The following IL17REL variants were observed in gnomAD, a reference collection of about 807,000 sequenced individuals.
IL17REL encodes interleukin 17 receptor E like.
Under a neutral mutation model 49.0 loss-of-function variants are expected in IL17REL, and 36 were observed. The ratio of observed to expected loss-of-function variants is 0.73; its 90% CI spans 0.56 to 0.97. IL17REL has a LOEUF of 0.97. IL17REL is among the 50% of genes least tolerant of loss of function. The pLI is 0.00. For missense variants in IL17REL, 470 were observed against 453.9 expected (o/e 1.04, Z -0.32); for synonymous variants, 206 against 192.4 (o/e 1.07, Z -0.58).
At chr22:50,004,754 G>A (rs753018057) in intron 1 of IL17REL, among the ~76,000 whole-genome samples, 7 of 151,530 alleles carry the variant, frequency 4.6e-5, no homozygotes, top group Non-Finnish European at 8.8e-5. Context: ...CTAGCTACTC[G>A]GGAGGCTGAG....
rs577433851 is a variant in IL17REL, at chr22:49,996,751, G to A, written c.*154C>T. On this transcript the variant is annotated 3_prime_UTR_variant, in exon 13 of 13. Coordinates refer to ENST00000341280, the Ensembl canonical transcript of IL17REL. Reference sequence around the variant, plus strand: ...ACGCCACGCCCAGCCTGCCGTGGGAGGCCTAGGTCTAGTCCTCGGCCTCCT... The same window carrying A: ...ACGCCACGCCCAGCCTGCCGTGGGAAGCCTAGGTCTAGTCCTCGGCCTCCT... 9.0e-6 allele frequency: 4 copies of A among 445,156 alleles called. No homozygotes were observed. In the East Asian group the frequency reaches 1.6e-4, roughly 17 times the overall value. 27.6% of individuals were successfully genotyped at this position (445,156 alleles called of 1,614,324 possible). A position where few individuals can be genotyped will look rare whatever the true frequency, so the allele number is the denominator to read the frequency against.
At chr22:50,001,263 G>A (rs2061078684) in intron 1 of IL17REL, 32 bp from the exon 3 acceptor site, 1 of 939,206 alleles carries the variant, frequency 1.1e-6, no homozygotes, top group South Asian at 1.5e-5. Flanking sequence ...GAGGCCTCGA[G>A]TTCCCTGGTG....
chr22:50,003,952 TTGTCTC>T (rs1363243675), intron 1 of IL17REL, among the ~76,000 whole-genome samples: 2 of 152,246 alleles, frequency 1.3e-5, no homozygotes, highest in East Asian at 1.9e-4. Context: ...GATGACATGA[TTGTCTC>T]TGTAGAAAAC....
intron 9 of IL17REL, 76 bp downstream of exon 11, chr22:49,997,949 C>T (rs2061047228): frequency 6.4e-6 from 10 of 1,557,972 alleles, no homozygotes; most frequent in Admixed American, 1.9e-5. Context: ...GGCAAGGGCC[C>T]CTGCCCCACT....
chr22:50,006,679 C>A (rs561379085), intron 1 of IL17REL, among the ~76,000 whole-genome samples: 4 of 152,066 alleles, frequency 2.6e-5, no homozygotes, highest in Admixed American at 1.3e-4. Context: ...TGGGGCCGGG[C>A]GCAGTGGCTC....
intron 1 of IL17REL, among the ~76,000 whole-genome samples, chr22:50,005,063 G>C (rs959457402): frequency 1.3e-5 from 2 of 150,686 alleles, no homozygotes; most frequent in African/African-American, 4.9e-5. Context: ...TTAGTGAAAC[G>C]GGCGCAGGAG....
Position 49,999,961 on chromosome 22 carries a change from T to G in IL17REL, c.341A>C (p.Lys114Thr), listed in dbSNP as rs928335507. The G allele has an allele frequency of 3.6e-5, 54 of 1,511,426 alleles. No individual in the cohort carries two copies. Among genetic ancestry groups the G allele is most frequent in the Non-Finnish European group, 4.7e-5 (53 of 1,127,038 alleles). The allele number at this position is 1,511,426 out of a possible 1,614,324, so 93.6% of individuals were successfully genotyped here. A position where few individuals can be genotyped will look rare whatever the true frequency, so the allele number is the denominator to read the frequency against. ...CCTCCGGTCCACCCAGTAGCTGAGC[T>G]TCCCCGCTGCAGGAGGCGGCAAGTC... is the stretch of plus-strand genomic sequence containing the variant. Residue 114 changes from lysine to threonine, a missense_variant, in exon 5 of 13, where the codon AAG becomes ACG. By Grantham distance (78) the Lys-to-Thr change is moderately conservative. Transcript: ENST00000341280.
intron 1 of IL17REL, among the ~76,000 whole-genome samples, chr22:50,005,243 CTG>C (rs1166753737): frequency 4.6e-5 from 7 of 152,262 alleles, no homozygotes; most frequent in African/African-American, 1.4e-4. Context: ...GTGGAAAAAA[CTG>C]TGAAACTACA....
chr22:50,004,111 C>T (rs2061094919), intron 1 of IL17REL, among the ~76,000 whole-genome samples: 1 of 152,158 alleles, frequency 6.6e-6, no homozygotes, highest in South Asian at 2.1e-4. Context: ...CAGAGCCTCA[C>T]TCTGTTGCCC....
At chr22:50,009,222 C>T (rs935658268), upstream of IL17REL, among the ~76,000 whole-genome samples, 2 of 91,114 alleles carry the variant, frequency 2.2e-5, no homozygotes, top group African/African-American at 4.4e-5. Flanking sequence ...GTTGGTGGTG[C>T]GGGGCGGGGG....
intron 4 of IL17REL, 112 bp from the exon 6 acceptor site, chr22:50,000,352 A>T: frequency 1.3e-6 from 1 of 740,874 alleles, no homozygotes; most frequent in Non-Finnish European, 2.3e-6. Flanking sequence ...ACCTCGAATT[A>T]AGCCAGAGGT....
chr22:49,997,026 C>T (rs2061039318), exon 12 of IL17REL: 1 of 1,551,910 alleles, frequency 6.4e-7, no homozygotes, highest in Non-Finnish European at 8.7e-7. Flanking sequence ...CAGGCCTCCT[C>T]CCTGGGAAGG....
chr22:50,000,268 T>C (rs1028587835), intron 4 of IL17REL, among the ~76,000 whole-genome samples, 28 bp from the exon 6 acceptor site: 1 of 151,974 alleles, frequency 6.6e-6, no homozygotes, highest in Admixed American at 6.5e-5. Context: ...AATGGCGGGG[T>C]GCGGGCTGCC....
chr22:49,999,971 C>A lies in IL17REL; in HGVS notation c.335-4G>T. The stretch of plus-strand genomic sequence containing the variant: ...ACCCAGTAGCTGAGCTTCCCCGCTG[C>A]AGGAGGCGGCAAGTCGGGGCCGCGC... On this transcript the variant is annotated splice_polypyrimidine_tract_variant and splice_region_variant and intron_variant, in intron 4 of 12. Coordinates refer to ENST00000341280, the Ensembl canonical transcript of IL17REL. 6.7e-7 allele frequency: 1 copy of A among 1,502,128 alleles called. No individual in the cohort carries two copies. The highest frequency in any genetic ancestry group is 2.2e-5 in the Admixed American group (1 of 45,318). 93.0% of individuals were successfully genotyped at this position (1,502,128 alleles called of 1,614,324 possible).
chr22:49,992,236 C>G (rs117874598), downstream of IL17REL, among the ~76,000 whole-genome samples: 131 of 152,290 alleles, frequency 8.6e-4, no homozygotes, highest in Non-Finnish European at 1.4e-3. Flanking sequence ...TTCACACTTG[C>G]GTGCCAGGAC....
chr22:49,992,498 G>A (rs1165604759), downstream of IL17REL, among the ~76,000 whole-genome samples: 2 of 152,328 alleles, frequency 1.3e-5, no homozygotes, highest in Admixed American at 6.5e-5. Flanking sequence ...TGCAATCATG[G>A]CTCACTGCAG....
chr22:49,999,375 C>T (rs2061059926), intron 6 of IL17REL, 30 bp from the exon 9 acceptor site: 1 of 1,612,718 alleles, frequency 6.2e-7, no homozygotes, highest in African/African-American at 1.3e-5. Context: ...CAGCGCAGCC[C>T]ACCCATCCCT....
At chr22:50,003,250 C>T (rs1474428206) in intron 1 of IL17REL, among the ~76,000 whole-genome samples, 1 of 151,944 alleles carries the variant, frequency 6.6e-6, no homozygotes, top group African/African-American at 2.4e-5. Flanking sequence ...GTGGGCCGGG[C>T]GGGGCTCATG....
chr22:50,011,725 T>C (rs2061142434), upstream of IL17REL, among the ~76,000 whole-genome samples: 1 of 152,156 alleles, frequency 6.6e-6, no homozygotes, highest in Non-Finnish European at 1.5e-5. Context: ...GCCCTGTGGA[T>C]CTGAGCCTGC....
Sources: gnomAD v4.1 joint callset for allele counts (sites outside exome capture counted in the v4.1 genomes callset) on GRCh38, gnomAD v4.1.1 for gene constraint, MANE v1.5 for transcripts, NCBI Gene and HGNC (gene_info 2026-07-23, HGNC 2026-07-21) for gene names.